The following ARHGAP6 variants were observed in gnomAD, a reference collection of about 807,000 sequenced individuals.
ARHGAP6 encodes Rho GTPase activating protein 6.
Under a neutral mutation model 55.7 loss-of-function variants are expected in ARHGAP6, and 16 were observed. The ratio of observed to expected loss-of-function variants is 0.29; its 90% CI spans 0.19 to 0.44. The LOEUF (loss-of-function observed/expected upper bound fraction) is 0.44. Ranked by LOEUF, ARHGAP6 falls within the 20% of genes least tolerant of loss-of-function variation. The probability of loss-of-function intolerance (pLI) is 1.00; values close to 1 mark genes in which losing one functional copy is unlikely to be tolerated. For missense variants in ARHGAP6, 698 were observed against 808.9 expected, an observed-to-expected ratio of 0.86 and a Z score of 1.66; for synonymous variants, 382 against 360.9, an observed-to-expected ratio of 1.06 and a Z score of -0.66.
chrX:11,161,992 G>A (rs750418241), intron 9 of ARHGAP6, among the ~76,000 whole-genome samples: 1 of 111,393 alleles, frequency 9.0e-6, no homozygotes, highest in Non-Finnish European at 1.9e-5. Flanking sequence ...CACCATTCAA[G>A]TCATTAGAAG....
intron 1 of ARHGAP6, among the ~76,000 whole-genome samples, chrX:11,381,153 C>A (rs1223547725): frequency 8.9e-6 from 1 of 112,650 alleles, no homozygotes; most frequent in Admixed American, 9.3e-5. Context: ...ATCAAAAAAT[C>A]TTTCTATGAG....
intron 1 of ARHGAP6, among the ~76,000 whole-genome samples, chrX:11,469,957 G>C (rs1327070222): frequency 3.6e-5 from 4 of 111,134 alleles, no homozygotes; most frequent in African/African-American, 1.3e-4. Context: ...TCAGATCCAG[G>C]ATACCTTTTT....
At chrX:11,504,991 T>C (rs1322021191) in intron 1 of ARHGAP6, among the ~76,000 whole-genome samples, 1 of 111,782 alleles carries the variant, frequency 8.9e-6, no homozygotes, top group Non-Finnish European at 1.9e-5. Flanking sequence ...AAAATGACTG[T>C]AAAGTCTGGG....
At chrX:11,256,044 C>T (rs897785666) in intron 1 of ARHGAP6, among the ~76,000 whole-genome samples, 1 of 111,132 alleles carries the variant, frequency 9.0e-6, no homozygotes, top group Non-Finnish European at 1.9e-5. Flanking sequence ...CGCAGGGACT[C>T]ATTGCAATAA....
chrX:11,361,557 G>A (rs1161777922), intron 1 of ARHGAP6, among the ~76,000 whole-genome samples: 3 of 109,990 alleles, frequency 2.7e-5, no homozygotes. Context: ...AACCCTAGAA[G>A]AAAACCTAGG....
intron 10 of ARHGAP6, chrX:11,148,574 A>G (rs1223615097): frequency 8.1e-5 from 27 of 331,606 alleles, no homozygotes; most frequent in Admixed American, 7.7e-4. Context: ...TGCATGGCCA[A>G]TCTCAGCTAA....
intron 1 of ARHGAP6, among the ~76,000 whole-genome samples, chrX:11,417,407 T>C (rs972430188): frequency 1.8e-5 from 2 of 108,567 alleles, no homozygotes; most frequent in African/African-American, 6.7e-5. Flanking sequence ...GCTGTGTATT[T>C]TGAATGCGGT....
At chrX:11,526,847 T>C (rs943777704) in intron 1 of ARHGAP6, among the ~76,000 whole-genome samples, 1 of 112,025 alleles carries the variant, frequency 8.9e-6, no homozygotes, top group Non-Finnish European at 1.9e-5. Context: ...TTTCTGTCAT[T>C]ATATTATATC....
chrX:11,592,419 C>G (rs1326673177), intron 1 of ARHGAP6, among the ~76,000 whole-genome samples: 1 of 111,295 alleles, frequency 9.0e-6, no homozygotes, highest in African/African-American at 3.3e-5. Flanking sequence ...GTGAAAGTAC[C>G]CAGGAACTGA....
At chrX:11,346,452 G>A (rs2048785567) in intron 1 of ARHGAP6, among the ~76,000 whole-genome samples, 1 of 111,338 alleles carries the variant, frequency 9.0e-6, no homozygotes, top group African/African-American at 3.3e-5. Flanking sequence ...TTGTTCCATA[G>A]AGCCACTGTA....
intron 1 of ARHGAP6, among the ~76,000 whole-genome samples, chrX:11,364,401 C>T (rs751696113): frequency 1.8e-5 from 2 of 110,245 alleles, no homozygotes; most frequent in East Asian, 5.7e-4. Context: ...CAATAATTAG[C>T]CATGTGACCT....
intron 1 of ARHGAP6, among the ~76,000 whole-genome samples, chrX:11,578,074 G>C (rs891037807): frequency 1.8e-5 from 2 of 111,632 alleles, no homozygotes; most frequent in African/African-American, 6.5e-5. Flanking sequence ...GGGAAGAAAG[G>C]AAACAGAAGA....
At chrX:11,174,631 C>CTTTCTCTTTCT (rs1569241510) in intron 8 of ARHGAP6, among the ~76,000 whole-genome samples, 8 of 27,068 alleles carry the variant, frequency 3.0e-4, no homozygotes, top group African/African-American at 5.2e-4. Context: ...TCTTTTCTTT[C>CTTTCTCTTTCT]TTTCTTTCTT....
intron 1 of ARHGAP6, among the ~76,000 whole-genome samples, chrX:11,453,538 C>G (rs1258245565): frequency 9.2e-6 from 1 of 109,188 alleles, no homozygotes; most frequent in East Asian, 2.8e-4. Context: ...ACATTGTAAG[C>G]AATATTTCTG....
At chrX:11,471,361 A>G (rs1034226333) in intron 1 of ARHGAP6, among the ~76,000 whole-genome samples, 2 of 112,406 alleles carry the variant, frequency 1.8e-5, no homozygotes, top group South Asian at 3.6e-4. Flanking sequence ...AAGAAAATTA[A>G]AAATGGAAAT....
chrX:11,555,010 G>T (rs1479471465), intron 1 of ARHGAP6, among the ~76,000 whole-genome samples: 1 of 111,777 alleles, frequency 8.9e-6, no homozygotes, highest in Non-Finnish European at 1.9e-5. Flanking sequence ...GCTCCTTTTG[G>T]GACAACAAAA....
At chrX:11,387,554 A>T (rs964970630) in intron 1 of ARHGAP6, among the ~76,000 whole-genome samples, 11 of 111,756 alleles carry the variant, frequency 9.8e-5, no homozygotes, top group African/African-American at 2.9e-4. Flanking sequence ...GAAGAAAGGA[A>T]GAAATTTTTT....
At chrX:11,337,474 C>T (rs1018380867) in intron 1 of ARHGAP6, among the ~76,000 whole-genome samples, 2 of 112,006 alleles carry the variant, frequency 1.8e-5, no homozygotes, top group Non-Finnish European at 3.8e-5. Context: ...TAACATGAAT[C>T]AGTTTGGAGG....
At chrX:11,474,452 T>C (rs1355915909) in intron 1 of ARHGAP6, among the ~76,000 whole-genome samples, 1 of 112,538 alleles carries the variant, frequency 8.9e-6, no homozygotes, top group African/African-American at 3.2e-5. Context: ...GAAGATGGAA[T>C]GCTAGACAGC....
Sources: gnomAD v4.1 joint callset for allele counts (sites outside exome capture counted in the v4.1 genomes callset) on GRCh38, gnomAD v4.1.1 for gene constraint, MANE v1.5 for transcripts, NCBI Gene and HGNC (gene_info 2026-07-23, HGNC 2026-07-21) for gene names.